Variants in NOL4 observed in about 807,000 individuals in gnomAD.
NOL4 encodes the protein nucleolar protein 4.
In NOL4, 17 loss-of-function variants were observed where a neutral mutation model predicts 75.9. The observed-to-expected ratio is 0.22, with a 90% CI of 0.15 to 0.34. The LOEUF is 0.34. NOL4 is among the 10% of genes least tolerant of loss of function. The probability of loss-of-function intolerance (pLI) is 1.00; values close to 1 mark genes in which losing one functional copy is unlikely to be tolerated. For synonymous variants in NOL4, 292 were observed against 289.9 expected, an observed-to-expected ratio of 1.01 and a Z score of -0.07; for missense variants, 614 against 793.5, an observed-to-expected ratio of 0.77 and a Z score of 2.72.
chr18:33,869,902 C>A (rs16964997), intron 10 of NOL4, among the ~76,000 whole-genome samples: 1 of 151,996 alleles, frequency 6.6e-6, no homozygotes, highest in South Asian at 2.1e-4. Flanking sequence ...CAATCATTTT[C>A]GTGAACCTAG....
intron 5 of NOL4, among the ~76,000 whole-genome samples, chr18:34,055,658 G>A (rs569590704): frequency 6.6e-6 from 1 of 152,064 alleles, no homozygotes; most frequent in South Asian, 2.1e-4. Context: ...AATTTGGGAA[G>A]TTTTTTGTCA....
At chr18:34,086,967 C>G (rs78480484) in intron 5 of NOL4, among the ~76,000 whole-genome samples, 1 of 152,072 alleles carries the variant, frequency 6.6e-6, no homozygotes, top group African/African-American at 2.4e-5. Context: ...CATGCTATTC[C>G]TCATTCAAAA....
chr18:34,104,159 T>C lies in NOL4; in HGVS notation c.527A>G (p.Asp176Gly). ...HLNPDGTDHK[D>G]NGKPPTLVTS... ...CACCAAAGTGGGAGGTTTTCCATTA[T>C]CTGTAATAAAACATTTTTAATGGGT... The change falls in exon 4 of 11, where the codon GAT becomes GGT. Residue 176 changes from aspartate (D) to glycine (G), a missense_variant and splice_region_variant. Physicochemically the swap from Asp to Gly is moderately conservative, Grantham distance 94. Transcript: ENST00000261592. 6.3e-7 allele frequency: 1 copy of C among 1,591,812 alleles called. No homozygotes were observed. Among genetic ancestry groups the C allele is most frequent in the Non-Finnish European group, 8.6e-7 (1 of 1,160,358 alleles).
At chr18:34,216,910 T>C (rs1050662698) in intron 1 of NOL4, among the ~76,000 whole-genome samples, 1 of 152,110 alleles carries the variant, frequency 6.6e-6, no homozygotes, top group Non-Finnish European at 1.5e-5. Context: ...TTTTGTCGCA[T>C]TGACAATCTT....
chr18:33,899,135 TA>T (rs1410920274), intron 9 of NOL4, among the ~76,000 whole-genome samples: 1 of 152,136 alleles, frequency 6.6e-6, no homozygotes, highest in Non-Finnish European at 1.5e-5. Flanking sequence ...AGAGGGTGAA[TA>T]CACAAGTAAC....
intron 6 of NOL4, among the ~76,000 whole-genome samples, chr18:33,994,934 A>T (rs1348140808): frequency 6.6e-6 from 1 of 151,642 alleles, no homozygotes; most frequent in East Asian, 1.9e-4. Context: ...AATGTTCCAA[A>T]TATAAGTGAA....
At chr18:34,106,517 T>C (rs1456859118) in intron 2 of NOL4, among the ~76,000 whole-genome samples, 1 of 151,980 alleles carries the variant, frequency 6.6e-6, no homozygotes, top group Non-Finnish European at 1.5e-5. Context: ...AATATAGAAC[T>C]CTTATTTTTA....
chr18:34,074,296 T>C (rs1473899132), intron 5 of NOL4, among the ~76,000 whole-genome samples: 1 of 151,652 alleles, frequency 6.6e-6, no homozygotes, highest in Non-Finnish European at 1.5e-5. Flanking sequence ...TTAACAATGA[T>C]ATAAGCTCAT....
chr18:33,881,900 G>A (rs1324240831), intron 10 of NOL4, among the ~76,000 whole-genome samples: 35 of 151,944 alleles, frequency 2.3e-4, no homozygotes, highest in African/African-American at 2.4e-4. Flanking sequence ...AAATAAAGCC[G>A]CATATCTACA....
chr18:33,964,642 CCT>C (rs2070433625), intron 6 of NOL4, among the ~76,000 whole-genome samples: 1 of 152,094 alleles, frequency 6.6e-6, no homozygotes, highest in Non-Finnish European at 1.5e-5. Context: ...CTGGAAACCT[CCT>C]AGAAATGCAA....
At position 34,006,897 on chromosome 18, in the gene NOL4, T is replaced by C. The variant is rs559718737; in HGVS notation, c.1056+12421A>G. On this transcript the variant is annotated intron_variant, in intron 6 of 10. Coordinates refer to ENST00000261592, the MANE Select transcript of NOL4 (RefSeq NM_003787.5). ...GTGCTTCAAATCAGCAATTAATGTA[T>C]GATGCTGTGTCTTTGATAGCAGGAT... 1.9e-3 allele frequency among the ~76,000 whole-genome samples: 286 copies of C among 152,108 alleles called. 8 individuals carry two copies. The highest frequency in any genetic ancestry group is 2.7e-3 in the South Asian group (13 of 4,828).
intron 6 of NOL4, among the ~76,000 whole-genome samples, chr18:33,988,918 C>A (rs1011914179): frequency 6.6e-6 from 1 of 151,968 alleles, no homozygotes; most frequent in Admixed American, 6.6e-5. Context: ...ATTGGCAAGA[C>A]TGGGCACAGT....
intron 5 of NOL4, among the ~76,000 whole-genome samples, chr18:34,050,386 C>A (rs890156854): frequency 6.6e-6 from 1 of 152,010 alleles, no homozygotes; most frequent in African/African-American, 2.4e-5. Context: ...AGAATTATTT[C>A]TAAATCATTT....
At chr18:34,008,371 G>GTCTATCTATCTA (rs10656153) in intron 6 of NOL4, among the ~76,000 whole-genome samples, 4,433 of 147,630 alleles carry the variant, frequency 0.03, 77 homozygotes, top group Middle Eastern at 0.055. Flanking sequence ...CTATCTGTCT[G>GTCTATCTATCTA]TCTATCTATC....
intron 6 of NOL4, among the ~76,000 whole-genome samples, chr18:33,978,881 T>C (rs544922840): frequency 3.3e-5 from 5 of 152,184 alleles, no homozygotes; most frequent in East Asian, 3.9e-4. Flanking sequence ...TTGAGGTTAA[T>C]TGAATCCATT....
At chr18:34,074,281 TTAAA>T (rs1487781841) in intron 5 of NOL4, among the ~76,000 whole-genome samples, 4 of 151,540 alleles carry the variant, frequency 2.6e-5, no homozygotes, top group African/African-American at 7.2e-5. Flanking sequence ...TCATTAAAAC[TTAAA>T]TTAACAATGA....
At chr18:34,073,391 T>C (rs917041191) in intron 5 of NOL4, among the ~76,000 whole-genome samples, 9 of 152,002 alleles carry the variant, frequency 5.9e-5, no homozygotes, top group African/African-American at 2.2e-4. Flanking sequence ...TATCCCAAAA[T>C]CCATAGATGT....
At chr18:34,189,456 AG>A (rs1473715177) in intron 1 of NOL4, among the ~76,000 whole-genome samples, 1 of 152,204 alleles carries the variant, frequency 6.6e-6, no homozygotes, top group African/African-American at 2.4e-5. Context: ...CTCAAAACGT[AG>A]CAAGCAGTTT....
chr18:34,116,782 A>C (rs1441686704), intron 2 of NOL4, among the ~76,000 whole-genome samples: 1 of 152,192 alleles, frequency 6.6e-6, no homozygotes, highest in Non-Finnish European at 1.5e-5. Context: ...TCCTTAACTC[A>C]AGCCATAAAA....
Sources: gnomAD v4.1 joint callset for allele counts (sites outside exome capture counted in the v4.1 genomes callset) on GRCh38, gnomAD v4.1.1 for gene constraint, MANE v1.5 for transcripts, NCBI Gene and HGNC (gene_info 2026-07-23, HGNC 2026-07-21) for gene names.